Variants in CAMK2D observed in about 807,000 individuals in gnomAD.
CAMK2D encodes the protein calcium/calmodulin dependent protein kinase II delta.
Under a neutral mutation model 84.0 loss-of-function variants are expected in CAMK2D, and 37 were observed. The ratio of observed to expected loss-of-function variants is 0.44; its 90% confidence interval spans 0.34 to 0.58. CAMK2D has a LOEUF of 0.58. CAMK2D is among the 20% of genes least tolerant of loss of function. CAMK2D has a pLI of 0.02. For missense variants in CAMK2D, 448 were observed against 652.5 expected (o/e 0.69, Z 3.41); for synonymous variants, 202 against 212.5 (o/e 0.95, Z 0.43).
chr4:113,662,015 G>GA (rs2099235226), intron 2 of CAMK2D, among the ~76,000 whole-genome samples: 1 of 152,070 alleles, frequency 6.6e-6, no homozygotes, highest in African/African-American at 2.4e-5. Flanking sequence ...TAGACTTCGG[G>GA]AAAATAGTGG....
chr4:113,572,680 G>A (rs1415511532), intron 4 of CAMK2D, among the ~76,000 whole-genome samples: 1 of 152,162 alleles, frequency 6.6e-6, no homozygotes, highest in Non-Finnish European at 1.5e-5. Context: ...ATGCGTTGTT[G>A]GTGGCAGTGT....
chr4:113,693,361 T>G (rs1029531352), intron 2 of CAMK2D, among the ~76,000 whole-genome samples: 3 of 149,598 alleles, frequency 2.0e-5, no homozygotes, highest in Admixed American at 7.0e-5. Flanking sequence ...GCTAACAGAT[T>G]TTTTTTTTAG....
At chr4:113,557,216 C>T (rs146365485) in intron 4 of CAMK2D, among the ~76,000 whole-genome samples, 6 of 152,088 alleles carry the variant, frequency 3.9e-5, no homozygotes, top group Non-Finnish European at 8.8e-5. Flanking sequence ...TGCCCCCCAG[C>T]CCCCATATCA....
intron 16 of CAMK2D, among the ~76,000 whole-genome samples, chr4:113,468,414 G>A (rs1029241742): frequency 2.0e-5 from 3 of 152,178 alleles, no homozygotes; most frequent in African/African-American, 7.2e-5. Flanking sequence ...GAGGGGCCTG[G>A]AACTCAGGAA....
intron 16 of CAMK2D, among the ~76,000 whole-genome samples, chr4:113,495,173 A>AT (rs1416828726): frequency 6.6e-6 from 1 of 152,074 alleles, no homozygotes; most frequent in African/African-American, 2.4e-5. Context: ...CCCCCCAGTA[A>AT]TTTTTCTAAG....
At chr4:113,504,765 C>T (rs141874334) in intron 14 of CAMK2D, among the ~76,000 whole-genome samples, 17 of 148,960 alleles carry the variant, frequency 1.1e-4, no homozygotes, top group African/African-American at 4.2e-4. Flanking sequence ...TGTTAGAACA[C>T]ACTGCTTGAC....
At chr4:113,584,564 T>G (rs2098825378) in intron 4 of CAMK2D, among the ~76,000 whole-genome samples, 1 of 152,130 alleles carries the variant, frequency 6.6e-6, no homozygotes. Flanking sequence ...GGCTTCCTGG[T>G]TTCAGGTGGT....
At chr4:113,569,919 G>A (rs1019419871) in intron 4 of CAMK2D, among the ~76,000 whole-genome samples, 1 of 151,924 alleles carries the variant, frequency 6.6e-6, no homozygotes, top group Non-Finnish European at 1.5e-5. Context: ...ATATAGTTCT[G>A]CTAATAAACA....
chr4:113,516,816 A>G (rs1489424928), intron 9 of CAMK2D, among the ~76,000 whole-genome samples: 1 of 152,192 alleles, frequency 6.6e-6, no homozygotes, highest in Admixed American at 6.5e-5. Context: ...GACCCTGCAC[A>G]TGGATTTCCA....
chr4:113,677,598 T>G (rs1372176454), intron 2 of CAMK2D: 1 of 938,722 alleles, frequency 1.1e-6, no homozygotes, highest in East Asian at 1.2e-4. Flanking sequence ...AGTCAAGCGA[T>G]GCAATACCAT....
intron 16 of CAMK2D, among the ~76,000 whole-genome samples, chr4:113,494,336 G>C (rs1284070285): frequency 6.6e-6 from 1 of 152,220 alleles, no homozygotes; most frequent in African/African-American, 2.4e-5. Context: ...AGTCCTTTCT[G>C]TTTGTTAGTT....
At chr4:113,495,157 G>C (rs1345126290) in intron 16 of CAMK2D, among the ~76,000 whole-genome samples, 1 of 152,108 alleles carries the variant, frequency 6.6e-6, no homozygotes, top group Non-Finnish European at 1.5e-5. Flanking sequence ...GGCCATCTTG[G>C]CTCCTCCCCC....
At chr4:113,717,512 C>T (rs2099517254) in intron 2 of CAMK2D, among the ~76,000 whole-genome samples, 1 of 151,946 alleles carries the variant, frequency 6.6e-6, no homozygotes, top group Admixed American at 6.6e-5. Flanking sequence ...AAATATATAA[C>T]TCAACTGTAC....
At chr4:113,477,223 G>C (rs890218638) in intron 16 of CAMK2D, among the ~76,000 whole-genome samples, 3 of 152,088 alleles carry the variant, frequency 2.0e-5, no homozygotes, top group Non-Finnish European at 4.4e-5. Context: ...GCAATGATAA[G>C]ACTCGTAGGC....
chr4:113,581,512 A>G (rs1434450720), intron 4 of CAMK2D, among the ~76,000 whole-genome samples: 1 of 98,450 alleles, frequency 1.0e-5, no homozygotes, highest in African/African-American at 4.4e-5. Context: ...AAACTTTCTC[A>G]TAAAAAAAAA....
At chr4:113,470,114 G>C (rs1353112470) in intron 16 of CAMK2D, among the ~76,000 whole-genome samples, 3 of 152,086 alleles carry the variant, frequency 2.0e-5, no homozygotes, top group Non-Finnish European at 4.4e-5. Context: ...CCTGAAGAGA[G>C]ACTACAAAAC....
chr4:113,659,764 T>C (rs1030302914), intron 3 of CAMK2D, among the ~76,000 whole-genome samples: 1 of 152,186 alleles, frequency 6.6e-6, no homozygotes, highest in Admixed American at 6.5e-5. Flanking sequence ...AAACAAGAAA[T>C]GCCATAAATT....
At chr4:113,632,681 T>A (rs1348126264) in intron 3 of CAMK2D, among the ~76,000 whole-genome samples, 1 of 152,124 alleles carries the variant, frequency 6.6e-6, no homozygotes, top group Non-Finnish European at 1.5e-5. Flanking sequence ...ATATGACCTG[T>A]AAGTCATTGT....
chr4:113,659,929 T>C (rs1180766195), intron 3 of CAMK2D, among the ~76,000 whole-genome samples: 2 of 152,178 alleles, frequency 1.3e-5, no homozygotes, highest in African/African-American at 4.8e-5. Flanking sequence ...GTGAATGATA[T>C]AGGTGAATTT....
Sources: gnomAD v4.1 joint callset for allele counts (sites outside exome capture counted in the v4.1 genomes callset) on GRCh38, gnomAD v4.1.1 for gene constraint, MANE v1.5 for transcripts, NCBI Gene and HGNC (gene_info 2026-07-23, HGNC 2026-07-21) for gene names.